The following RARB variants were observed in gnomAD, a reference collection of about 807,000 sequenced individuals.
RARB encodes HBV-activated protein.
Under a neutral mutation model 51.9 loss-of-function variants are expected in RARB, and 17 were observed. The ratio of observed to expected loss-of-function variants is 0.33; its 90% CI spans 0.22 to 0.49. The LOEUF is 0.49. Ranked by LOEUF, RARB falls within the 20% of genes least tolerant of loss-of-function variation. RARB has a pLI of 0.99. For synonymous variants in RARB, 215 were observed against 195.4 expected (o/e 1.10, Z -0.84); for missense variants, 369 against 550.8 (o/e 0.67, Z 3.30).
intron 5 of RARB, among the ~76,000 whole-genome samples, chr3:25,373,580 G>A (rs543710205): frequency 8.8e-4 from 134 of 152,252 alleles, no homozygotes; most frequent in Non-Finnish European, 1.3e-4. Flanking sequence ...AGCTATAAAA[G>A]CCAGTCTGTA....
intron 1 of RARB, among the ~76,000 whole-genome samples, chr3:24,853,868 T>C (rs1702596974): frequency 6.6e-6 from 1 of 152,240 alleles, no homozygotes. Context: ...TGGCAGCACC[T>C]GGAAGATACC....
intron 5 of RARB, among the ~76,000 whole-genome samples, chr3:25,309,099 C>G (rs1171059057): frequency 6.6e-6 from 1 of 151,612 alleles, no homozygotes. Flanking sequence ...TTTTCCTGTC[C>G]CCTGTCATTT....
At chr3:24,938,292 C>A (rs1695587126) in intron 2 of RARB, among the ~76,000 whole-genome samples, 1 of 152,138 alleles carries the variant, frequency 6.6e-6, no homozygotes, top group Non-Finnish European at 1.5e-5. Flanking sequence ...AAAAACATCT[C>A]CATGACGGCC....
At chr3:25,334,780 G>T (rs1705016374) in intron 5 of RARB, among the ~76,000 whole-genome samples, 1 of 152,118 alleles carries the variant, frequency 6.6e-6, no homozygotes, top group East Asian at 1.9e-4. Flanking sequence ...CATGTGTGTT[G>T]GGAATTTTCT....
intron 5 of RARB, among the ~76,000 whole-genome samples, chr3:25,592,344 T>C (rs1339290644): frequency 6.6e-6 from 1 of 152,220 alleles, no homozygotes; most frequent in Non-Finnish European, 1.5e-5. Flanking sequence ...CCTGAGTTAT[T>C]CACTTTTGTC....
chr3:24,990,740 T>G (rs1696892813), intron 2 of RARB, among the ~76,000 whole-genome samples: 1 of 151,228 alleles, frequency 6.6e-6, no homozygotes, highest in Non-Finnish European at 1.5e-5. Flanking sequence ...ATTACTCTTC[T>G]TCAAATTTTC....
intron 5 of RARB, among the ~76,000 whole-genome samples, chr3:25,416,297 G>T (rs1418977380): frequency 1.3e-5 from 2 of 152,234 alleles, no homozygotes; most frequent in Non-Finnish European, 2.9e-5. Context: ...GTTGAGGCGG[G>T]AGGATCGCTT....
At chr3:24,843,900 T>TACACACAC (rs71057685) in intron 1 of RARB, among the ~76,000 whole-genome samples, 2,191 of 145,228 alleles carry the variant, frequency 0.015, 19 homozygotes, top group Non-Finnish European at 0.018. Context: ...GATTTGAGGG[T>TACACACAC]ACACACACAC....
At chr3:25,571,146 A>G (rs1700695312) in intron 4 of RARB, among the ~76,000 whole-genome samples, 2 of 152,220 alleles carry the variant, frequency 1.3e-5, no homozygotes, top group Non-Finnish European at 2.9e-5. Context: ...GGGTGGCACC[A>G]GCTTCTGAAG....
At chr3:24,932,921 A>G (rs533232372) in intron 2 of RARB, among the ~76,000 whole-genome samples, 1 of 152,266 alleles carries the variant, frequency 6.6e-6, no homozygotes, top group East Asian at 1.9e-4. Flanking sequence ...GAAAACCCAT[A>G]TAATTTATTT....
At chr3:25,349,143 C>T (rs75986625) in intron 5 of RARB, among the ~76,000 whole-genome samples, 6,110 of 152,286 alleles carry the variant, frequency 0.04, 164 homozygotes, top group Middle Eastern at 0.061. Context: ...GCGGAAAGGG[C>T]TCAGAGGACA....
chr3:25,593,840 T>C, intron 6 of RARB, 133 bp downstream of exon 6: 3 of 782,670 alleles, frequency 3.8e-6, no homozygotes, highest in Non-Finnish European at 6.0e-6. Context: ...CAGGCATACA[T>C]GCCTGGTTTC....
intron 2 of RARB, among the ~76,000 whole-genome samples, chr3:25,495,248 G>A (rs1696966581): frequency 6.6e-6 from 1 of 152,186 alleles, no homozygotes; most frequent in Non-Finnish European, 1.5e-5. Context: ...GGGTATCAGA[G>A]GAGGGAAGAT....
At chr3:25,103,934 G>A (rs1699451617) in intron 3 of RARB, among the ~76,000 whole-genome samples, 1 of 152,088 alleles carries the variant, frequency 6.6e-6, no homozygotes, top group East Asian at 1.9e-4. Context: ...TATTGTGTTG[G>A]GAAGGATTCT....
intron 5 of RARB, among the ~76,000 whole-genome samples, chr3:25,287,831 C>T (rs1703692437): frequency 1.3e-5 from 2 of 152,022 alleles, no homozygotes; most frequent in Admixed American, 6.6e-5. Context: ...GTGATAGATA[C>T]ATTTCTCTTC....
intron 3 of RARB, among the ~76,000 whole-genome samples, chr3:25,568,840 G>A (rs750625600): frequency 1.1e-4 from 17 of 152,204 alleles, no homozygotes; most frequent in African/African-American, 3.6e-4. Flanking sequence ...GGTCTGTTTC[G>A]CCTGTCTGCC....
chr3:25,585,449 T>A (rs547230115), intron 5 of RARB, among the ~76,000 whole-genome samples: 37 of 152,354 alleles, frequency 2.4e-4, no homozygotes, highest in Admixed American at 1.7e-3. Context: ...GAAAATGACT[T>A]GCTTTGCCAG....
intron 3 of RARB, among the ~76,000 whole-genome samples, chr3:25,506,069 C>G (rs1289665033): frequency 6.6e-6 from 1 of 151,926 alleles, no homozygotes; most frequent in East Asian, 1.9e-4. Context: ...GATCTTTAAG[C>G]CAAAGGTCAG....
At chr3:25,331,194 T>C (rs1021557285) in intron 5 of RARB, among the ~76,000 whole-genome samples, 1 of 152,092 alleles carries the variant, frequency 6.6e-6, no homozygotes, top group Non-Finnish European at 1.5e-5. Flanking sequence ...ATCTACAGAA[T>C]TCTCCACCCC....
Sources: gnomAD v4.1 joint callset for allele counts (sites outside exome capture counted in the v4.1 genomes callset) on GRCh38, gnomAD v4.1.1 for gene constraint, MANE v1.5 for transcripts, NCBI Gene and HGNC (gene_info 2026-07-23, HGNC 2026-07-21) for gene names.